DYNC2H1: variants seen among roughly 807,000 people sequenced by gnomAD.
DYNC2H1 encodes the protein dynein cytoplasmic 2 heavy chain 1.
Under a neutral mutation model 570.0 loss-of-function variants are expected in DYNC2H1, and 410 were observed. That is an observed-to-expected ratio of 0.72 (90% CI 0.66 to 0.78). DYNC2H1 has a LOEUF of 0.78. DYNC2H1 is among the 30% of genes least tolerant of loss of function. The pLI, the probability that DYNC2H1 is intolerant of heterozygous loss-of-function variation, is 0.00. For synonymous variants in DYNC2H1, 1,688 were observed against 1,677.6 expected, an observed-to-expected ratio of 1.01 and a Z score of -0.15; for missense variants, 4,865 against 5,046.4, an observed-to-expected ratio of 0.96 and a Z score of 1.09.
intron 56 of DYNC2H1, 146 bp downstream of exon 56, chr11:103,220,174 C>A (rs961956089): frequency 1.3e-5 from 6 of 445,706 alleles, no homozygotes; most frequent in Admixed American, 4.4e-5. Context: ...TAAAAGAGAA[C>A]AAGAAGGAAA....
In DYNC2H1 at chr11:103,262,459, G is replaced by A. The variant is rs368230068; in HGVS notation, c.10695+2482G>A. 3.0e-4 allele frequency among the ~76,000 whole-genome samples: 45 copies of A among 152,128 alleles called. 1 individual carries two copies. The East Asian group carries it at 7.0e-3, about 24-fold the overall frequency. ...TTAAGGGCAGCCAGAGAGAAAGGTC[G>A]GGTTACTCACAAAGGGAAGCCCATC... On this transcript the variant is annotated intron_variant, in intron 70 of 88. Coordinates refer to ENST00000375735, the MANE Select transcript of DYNC2H1 (RefSeq NM_001377.3).
Position 103,120,528 on chromosome 11 carries a change from G to A in DYNC2H1, c.1081G>A (p.Val361Ile). ...SEEKIICLTR[V>I]FEPFTGLNPV... ...AGAGAAAATCATATGCCTCACTCGAGTATTTGAACCTTTTACTGGCCTGAA... is the reference window on the plus strand; with the variant it reads ...AGAGAAAATCATATGCCTCACTCGAATATTTGAACCTTTTACTGGCCTGAA... Residue 361 changes from valine to isoleucine, a missense_variant, in exon 7 of 89, where the codon GTA (valine) becomes ATA (isoleucine). Coordinates refer to ENST00000375735, the MANE Select transcript of DYNC2H1 (RefSeq NM_001377.3). 2 of 1,613,032 alleles carry A rather than the reference G, an allele frequency of 1.2e-6. No individual in the cohort carries two copies. The highest frequency in any genetic ancestry group is 1.7e-6 in the Non-Finnish European group (2 of 1,179,438).
chr11:103,110,394 T>A, intron 1 of DYNC2H1, among the ~76,000 whole-genome samples: 1 of 151,630 alleles, frequency 6.6e-6, no homozygotes, highest in Non-Finnish European at 1.5e-5. Context: ...TTTTTTTCTC[T>A]CCCCTTTTTG....
rs1178499127 is a variant in DYNC2H1 at position 103,245,390 on chromosome 11, T to C, written c.10042+16T>C. 1.3e-6 allele frequency: 2 copies of C among 1,561,312 alleles called. No homozygotes were observed. The highest frequency in any genetic ancestry group is 1.7e-6 in the Non-Finnish European group (2 of 1,156,290). On this transcript the variant is annotated intron_variant, in intron 65 of 88. Coordinates refer to ENST00000375735, the MANE Select transcript of DYNC2H1 (RefSeq NM_001377.3). This position sits in a 1 kb window ranked among gnomAD's most constrained non-coding sequence, Gnocchi z 4.5. ...GTTGCTCAAGGTAAATAATTGACACTTTCCAGAGTGTAAATATTTTTAAAA... is the reference window on the plus strand; with the variant it reads ...GTTGCTCAAGGTAAATAATTGACACCTTCCAGAGTGTAAATATTTTTAAAA...
intron 87 of DYNC2H1, among the ~76,000 whole-genome samples, chr11:103,467,369 T>C (rs1436614428): frequency 6.6e-6 from 1 of 152,200 alleles, no homozygotes; most frequent in Non-Finnish European, 1.5e-5. Context: ...TCAAAACAAT[T>C]GGTTAAGGGA....
In DYNC2H1 at chr11:103,185,659, C is replaced by G. The variant is rs1862035781; in HGVS notation, c.6634-583C>G. Among the ~76,000 whole-genome samples, 1 of 151,832 alleles carries G rather than the reference C, an allele frequency of 6.6e-6. No individual in the cohort carries two copies. The highest frequency in any genetic ancestry group is 1.5e-5 in the Non-Finnish European group (1 of 67,876). ...ATTTACTGCTTTCTCTATTCCGTCT[C>G]CCTTTCCATGGCTGTCCTGTTGCCT... On this transcript the variant is annotated intron_variant, in intron 41 of 88. Transcript: ENST00000375735. The surrounding 1 kb of genome is among the most constrained non-coding windows in gnomAD (Gnocchi z 4.5).
intron 17 of DYNC2H1, among the ~76,000 whole-genome samples, chr11:103,141,503 G>T (rs997419986): frequency 6.6e-6 from 1 of 152,188 alleles, no homozygotes; most frequent in Non-Finnish European, 1.5e-5. Context: ...CAGCAGCGGT[G>T]GCTACAGAAC....
chr11:103,403,359 A>G (rs1255227376), intron 84 of DYNC2H1: 2 of 152,044 alleles, frequency 1.3e-5, no homozygotes, highest in African/African-American at 4.8e-5. Flanking sequence ...TGAATAATGT[A>G]GAATAAAGTT....
At chr11:103,130,663 G>C (rs951672432) in intron 13 of DYNC2H1, among the ~76,000 whole-genome samples, 1 of 151,992 alleles carries the variant, frequency 6.6e-6, no homozygotes, top group Non-Finnish European at 1.5e-5. Flanking sequence ...TGTATGCATA[G>C]TTTTGGAAAT....
At chr11:103,464,732 G>C (rs998371677) in intron 87 of DYNC2H1, among the ~76,000 whole-genome samples, 3 of 152,040 alleles carry the variant, frequency 2.0e-5, no homozygotes, top group Non-Finnish European at 4.4e-5. Context: ...AATAATGAAA[G>C]CAATAAGAGA....
At chr11:103,359,474 C>G (rs1260144289) in intron 83 of DYNC2H1, among the ~76,000 whole-genome samples, 7 of 152,110 alleles carry the variant, frequency 4.6e-5, no homozygotes, top group Non-Finnish European at 8.8e-5. Flanking sequence ...GTCTCTCTCC[C>G]TCACTGCCAG....
At position 103,256,362 on chromosome 11, in the gene DYNC2H1, A is replaced by G. The variant is rs1038861790; in HGVS notation, c.10461+122A>G. 3.1e-6 allele frequency: 3 copies of G among 967,354 alleles called. No homozygotes were observed. The highest frequency in any genetic ancestry group is 4.5e-6 in the Non-Finnish European group (3 of 671,142). 59.9% of individuals were successfully genotyped at this position (967,354 alleles called of 1,614,324 possible). Reference sequence around the variant, plus strand: ...GATGTGAAAAGAAAAAAGCTATTCAAAAACATCAGAACATTGGGTTTGATT... The same window carrying G: ...GATGTGAAAAGAAAAAAGCTATTCAGAAACATCAGAACATTGGGTTTGATT... On this transcript the variant is annotated intron_variant, in intron 68 of 88. Coordinates refer to ENST00000375735, the MANE Select transcript of DYNC2H1 (RefSeq NM_001377.3). This position sits in a 1 kb window ranked among gnomAD's most constrained non-coding sequence, Gnocchi z 4.0.
At chr11:103,443,244 G>T (rs1944325380) in intron 85 of DYNC2H1, among the ~76,000 whole-genome samples, 1 of 151,924 alleles carries the variant, frequency 6.6e-6, no homozygotes, top group African/African-American at 2.4e-5. Context: ...TTGTTCCACT[G>T]TCAATAATTG....
chr11:103,245,396 G>T lies in DYNC2H1; in HGVS notation c.10042+22G>T. On this transcript the variant is annotated intron_variant, in intron 65 of 88. Coordinates refer to ENST00000375735, the MANE Select transcript of DYNC2H1 (RefSeq NM_001377.3). The surrounding 1 kb of genome is among the most constrained non-coding windows in gnomAD (Gnocchi z 4.5). ...CAAGGTAAATAATTGACACTTTCCA[G>T]AGTGTAAATATTTTTAAAATTTCCA... 1 of 1,554,392 alleles carries T rather than the reference G, an allele frequency of 6.4e-7. No individual in the cohort carries two copies. The highest frequency in any genetic ancestry group is 2.0e-5 in the Admixed American group (1 of 49,760).
intron 88 of DYNC2H1, among the ~76,000 whole-genome samples, chr11:103,470,124 G>A (rs1485850841): frequency 1.3e-5 from 2 of 152,122 alleles, no homozygotes; most frequent in Non-Finnish European, 2.9e-5. Flanking sequence ...ATGACCTGGA[G>A]CCATACCCAC....
intron 83 of DYNC2H1, among the ~76,000 whole-genome samples, chr11:103,370,258 A>G: frequency 6.6e-6 from 1 of 151,576 alleles, no homozygotes; most frequent in Non-Finnish European, 1.5e-5. Context: ...AAGAAAGGAG[A>G]AGGACTGAAT....
intron 15 of DYNC2H1, 38 bp downstream of exon 15, chr11:103,134,457 A>G (rs1432385090): frequency 1.3e-6 from 2 of 1,518,548 alleles, no homozygotes; most frequent in South Asian, 1.3e-5. Flanking sequence ...ACTTTGAAAT[A>G]TGACCTTTTC....
At position 103,228,624 on chromosome 11, in the gene DYNC2H1, T is replaced by C. The variant is rs1042831236; in HGVS notation, c.9354-2636T>C. Among the ~76,000 whole-genome samples the C allele has an allele frequency of 6.0e-5, 9 of 149,682 alleles. No individual in the cohort carries two copies. The highest frequency in any genetic ancestry group is 1.0e-4 in the Non-Finnish European group (7 of 66,874). On this transcript the variant is annotated intron_variant, in intron 59 of 88. Transcript: ENST00000375735. This position sits in a 1 kb window ranked among gnomAD's most constrained non-coding sequence, Gnocchi z 6.1. Reference sequence around the variant, plus strand: ...ATGAAGTGAACTCTGTGATGGTCATTGGTTGTGTTTTTGTTTAGTGTGCTG... The same window carrying C: ...ATGAAGTGAACTCTGTGATGGTCATCGGTTGTGTTTTTGTTTAGTGTGCTG...
At chr11:103,315,937 AT>A (rs1055443063) in intron 79 of DYNC2H1, among the ~76,000 whole-genome samples, 11 of 152,032 alleles carry the variant, frequency 7.2e-5, no homozygotes. Context: ...GTCTAAATAT[AT>A]TTTAATTTGA....
Sources: gnomAD v4.1 joint callset for allele counts (sites outside exome capture counted in the v4.1 genomes callset) on GRCh38, gnomAD v4.1.1 for gene constraint, Gnocchi (gnomAD v3.1) non-coding constraint, MANE v1.5 for transcripts, NCBI Gene and HGNC (gene_info 2026-07-23, HGNC 2026-07-21) for gene names.